The following FSHR variants were observed in gnomAD, a reference collection of about 807,000 sequenced individuals.
FSHR encodes the protein follicle-stimulating hormone receptor.
Under a neutral mutation model 52.1 loss-of-function variants are expected in FSHR, and 46 were observed. The ratio of observed to expected loss-of-function variants is 0.88; its 90% confidence interval spans 0.70 to 1.13. The LOEUF is 1.13. FSHR is among the 50% of genes most tolerant of loss of function. The probability of loss-of-function intolerance (pLI) is 0.00; values close to 1 mark genes in which losing one functional copy is unlikely to be tolerated. For missense variants in FSHR, 964 were observed against 834.6 expected (o/e 1.16, Z -1.91); for synonymous variants, 399 against 309.6 (o/e 1.29, Z -3.03).
chr2:49,087,265 C>T (rs188881067), intron 1 of FSHR, among the ~76,000 whole-genome samples: 23 of 151,912 alleles, frequency 1.5e-4, no homozygotes, highest in African/African-American at 5.6e-4. Flanking sequence ...GTGGAAAGGA[C>T]TCTTCTACCT....
Position 48,963,672 on chromosome 2 carries a change from C to T in FSHR, c.1149G>A (p.Val383=), listed in dbSNP as rs373696730. The T allele has an allele frequency of 5.0e-6, 8 of 1,614,134 alleles. No individual in the cohort carries two copies. Among genetic ancestry groups the T allele is most frequent in the Non-Finnish European group, 6.8e-6 (8 of 1,180,014 alleles). ...ATTGGCTGGTAGTTAGGATCACTAG[C>T]ACTATGATGTTCCCAGTGATGGCCA... is the stretch of plus-strand genomic sequence containing the variant. ...SILAITGNII[V]LVILTTSQYK... Residue 383 remains valine (V), a synonymous_variant, in exon 10 of 10, where the codon GTG becomes GTA. Transcript: ENST00000406846.
intron 1 of FSHR, among the ~76,000 whole-genome samples, chr2:49,104,670 A>G (rs1287868125): frequency 1.3e-5 from 2 of 152,118 alleles, no homozygotes; most frequent in African/African-American, 4.8e-5. Context: ...GAAGATGACA[A>G]GAATGTAAAG....
chr2:49,075,151 A>G (rs559918905), intron 1 of FSHR, among the ~76,000 whole-genome samples: 7 of 152,278 alleles, frequency 4.6e-5, no homozygotes, highest in African/African-American at 1.4e-4. Flanking sequence ...ATAGTTAACA[A>G]TAATATATAG....
chr2:49,030,014 A>G (rs183322323), intron 2 of FSHR, among the ~76,000 whole-genome samples: 100 of 152,308 alleles, frequency 6.6e-4, no homozygotes, highest in African/African-American at 2.3e-3. Context: ...TTCTTATGGC[A>G]CTGCATCTTT....
At chr2:48,976,924 C>T (rs1675016423) in intron 8 of FSHR, among the ~76,000 whole-genome samples, 1 of 151,770 alleles carries the variant, frequency 6.6e-6, no homozygotes, top group South Asian at 2.1e-4. Context: ...TATTCTCTTC[C>T]AAAAGCCAGC....
At chr2:49,043,795 G>A (rs1385482116) in intron 2 of FSHR, among the ~76,000 whole-genome samples, 2 of 152,182 alleles carry the variant, frequency 1.3e-5, no homozygotes, top group South Asian at 2.1e-4. Flanking sequence ...GACATGGATT[G>A]TGGGAGCCTG....
chr2:49,021,584 T>A (rs1403223149), intron 2 of FSHR, among the ~76,000 whole-genome samples: 1 of 151,454 alleles, frequency 6.6e-6, no homozygotes, highest in Non-Finnish European at 1.5e-5. Context: ...AGGGGAAGTG[T>A]GACTGTGAGC....
At chr2:49,133,923 A>T (rs1333679348) in intron 1 of FSHR, among the ~76,000 whole-genome samples, 1 of 152,218 alleles carries the variant, frequency 6.6e-6, no homozygotes, top group African/African-American at 2.4e-5. Context: ...TTAATTCAAG[A>T]TGGATTAAAG....
chr2:49,017,570 A>G lies in FSHR; in HGVS notation c.300-7T>C, dbSNP rs1572639063. ...GTTGGCCTTTTCAATTCTACTGTAA[A>G]AGAAGAAAAAACATGCTAGTGATCT... On this transcript the variant is annotated splice_region_variant and splice_polypyrimidine_tract_variant and intron_variant, in intron 3 of 9. Coordinates refer to ENST00000406846, the MANE Select transcript of FSHR (RefSeq NM_000145.4). The G allele has an allele frequency of 1.2e-6, 2 of 1,607,582 alleles. No homozygotes were observed.
intron 1 of FSHR, among the ~76,000 whole-genome samples, chr2:49,149,671 TAAAC>T (rs956535532): frequency 5.3e-5 from 8 of 152,068 alleles, no homozygotes; most frequent in East Asian, 1.9e-4. Flanking sequence ...AAGGACCTAT[TAAAC>T]AAAGACTAAC....
At chr2:49,049,627 G>C (rs868627330) in intron 2 of FSHR, among the ~76,000 whole-genome samples, 4 of 152,002 alleles carry the variant, frequency 2.6e-5, no homozygotes, top group Non-Finnish European at 5.9e-5. Flanking sequence ...CTCACAGTGG[G>C]CCTCCTGCCT....
intron 8 of FSHR, among the ~76,000 whole-genome samples, chr2:48,981,025 C>G (rs529091847): frequency 2.0e-5 from 3 of 152,290 alleles, no homozygotes; most frequent in African/African-American, 7.2e-5. Flanking sequence ...CTAAGTGAAA[C>G]TGACATGCTG....
At chr2:49,010,409 G>T (rs1319280779) in intron 4 of FSHR, among the ~76,000 whole-genome samples, 16 of 152,032 alleles carry the variant, frequency 1.1e-4, no homozygotes. Flanking sequence ...GCTTTTTGAT[G>T]TGTTGCTGGA....
At chr2:48,989,273 CTTTTT>C (rs70946840) in intron 5 of FSHR, among the ~76,000 whole-genome samples, 8 of 120,812 alleles carry the variant, frequency 6.6e-5, no homozygotes, top group African/African-American at 1.8e-4. Flanking sequence ...CATTCAGTGT[CTTTTT>C]TTTTTTTTTT....
intron 2 of FSHR, 60 bp downstream of exon 2, chr2:49,068,159 C>T: frequency 7.7e-7 from 1 of 1,298,100 alleles, no homozygotes; most frequent in Non-Finnish European, 1.1e-6. Flanking sequence ...TAGATGTGGT[C>T]TGAGGTTGCT....
intron 2 of FSHR, among the ~76,000 whole-genome samples, chr2:49,030,345 A>G (rs1668058454): frequency 6.6e-6 from 1 of 150,402 alleles, no homozygotes; most frequent in Non-Finnish European, 1.5e-5. Flanking sequence ...CACTGCTGGC[A>G]CCACAGAGCA....
At chr2:49,104,284 T>C (rs1018924836) in intron 1 of FSHR, among the ~76,000 whole-genome samples, 4 of 152,122 alleles carry the variant, frequency 2.6e-5, no homozygotes, top group Non-Finnish European at 5.9e-5. Context: ...TGGTCAGCCA[T>C]TGCCACTTCC....
intron 9 of FSHR, among the ~76,000 whole-genome samples, chr2:48,966,005 C>G (rs555448651): frequency 6.6e-6 from 1 of 152,126 alleles, no homozygotes; most frequent in African/African-American, 2.4e-5. Flanking sequence ...ATAGCAGTGT[C>G]GCAGAGCCTA....
intron 2 of FSHR, among the ~76,000 whole-genome samples, chr2:49,040,792 T>C (rs1285498303): frequency 2.0e-5 from 3 of 152,044 alleles, no homozygotes; most frequent in South Asian, 2.1e-4. Context: ...GACTGTAAAA[T>C]AAAACAGAAG....
Sources: gnomAD v4.1 joint callset for allele counts (sites outside exome capture counted in the v4.1 genomes callset) on GRCh38, gnomAD v4.1.1 for gene constraint, MANE v1.5 for transcripts, NCBI Gene and HGNC (gene_info 2026-07-23, HGNC 2026-07-21) for gene names.